Variants in LMTK3 observed in about 807,000 individuals in gnomAD.
The protein encoded by LMTK3 is lemur tail kinase 3.
In LMTK3, 27 loss-of-function variants were observed where a neutral mutation model predicts 116.7. The observed-to-expected ratio is 0.23, with a 90% CI of 0.17 to 0.32. The LOEUF is 0.32. Among genes scored for constraint, LMTK3 ranks in the 10% least tolerant of loss-of-function variants. The pLI, the probability that LMTK3 is intolerant of heterozygous loss-of-function variation, is 1.00. For missense variants in LMTK3, 1,764 were observed against 2,068.5 expected (o/e 0.85, Z 2.86); for synonymous variants, 965 against 971.0 (o/e 0.99, Z 0.11).
chr19:48,486,047 C>CCT, intron 14 of LMTK3, among the ~76,000 whole-genome samples: 1 of 59,790 alleles, frequency 1.7e-5, no homozygotes, highest in East Asian at 3.9e-4. Context: ...AACATTCTTC[C>CCT]TTTTTTTTTT....
At chr19:48,508,776 G>T in intron 5 of LMTK3, 75 bp downstream of exon 5, 3 of 1,123,004 alleles carry the variant, frequency 2.7e-6, no homozygotes, top group East Asian at 2.3e-5. Flanking sequence ...TTCCAGGTGT[G>T]ACCCCATACA....
At position 48,485,368 on chromosome 19, in the gene LMTK3, A is replaced by C; in HGVS notation, c.*405T>G. On this transcript the variant is annotated 3_prime_UTR_variant, in exon 15 of 15. Transcript: ENST00000600059. ...CCTCCAGGGGCCGGGCTGGGGAGGGAAAGGGGAGACGCGAAATGGGGGGTC... is the reference window on the plus strand; with the variant it reads ...CCTCCAGGGGCCGGGCTGGGGAGGGCAAGGGGAGACGCGAAATGGGGGGTC... 5.7e-6 allele frequency: 1 copy of C among 175,666 alleles called. No individual in the cohort carries two copies. The highest frequency in any genetic ancestry group is 1.2e-5 in the Non-Finnish European group (1 of 82,502). The allele number at this position is 175,666 out of a possible 1,614,324, so 10.9% of individuals were successfully genotyped here.
intron 5 of LMTK3, among the ~76,000 whole-genome samples, chr19:48,503,826 GCTTCCTCCCTCCCTTCCTTCCTTC>G (rs918831801): frequency 1.4e-5 from 2 of 143,862 alleles, no homozygotes; most frequent in Admixed American, 7.0e-5. Flanking sequence ...TTCCTTCCTT[GCTTCCTCCCTCCCTTCCTTCCTTC>G]CTTCCTCCCT....
chr19:48,493,040 C>T (rs1474696836), intron 12 of LMTK3, among the ~76,000 whole-genome samples: 1 of 152,096 alleles, frequency 6.6e-6, no homozygotes, highest in Non-Finnish European at 1.5e-5. Context: ...AGGCCCTTCC[C>T]GCGCCCTGCT....
intron 14 of LMTK3, among the ~76,000 whole-genome samples, chr19:48,487,026 CG>C (rs969996112): frequency 3.4e-5 from 5 of 146,256 alleles, no homozygotes; most frequent in African/African-American, 1.3e-4. Context: ...CCACCACACC[CG>C]GCTATTTTTT....
intron 5 of LMTK3, among the ~76,000 whole-genome samples, chr19:48,508,369 G>T (rs564122054): frequency 6.6e-6 from 1 of 152,222 alleles, no homozygotes; most frequent in South Asian, 2.1e-4. Context: ...CTGGCAAATG[G>T]ATACCTAGAC....
At chr19:48,502,658 T>C in intron 6 of LMTK3, 77 bp from the exon 7 acceptor site, 5 of 1,465,852 alleles carry the variant, frequency 3.4e-6, no homozygotes, top group Non-Finnish European at 4.5e-6. Context: ...CTGGAATGGC[T>C]TCTGCTGTCA....
rs572814541 is a variant in LMTK3 at position 48,490,996 on chromosome 19, G to A, written c.4366+112C>T. 13 of 688,880 alleles carry A rather than the reference G, an allele frequency of 1.9e-5. No individual in the cohort carries two copies. The East Asian group carries it at 4.1e-4, about 22-fold the overall frequency. The allele number at this position is 688,880 out of a possible 1,614,324, so 42.7% of individuals were successfully genotyped here. On this transcript the variant is annotated intron_variant, in intron 14 of 14. Coordinates refer to ENST00000600059, the MANE Select transcript of LMTK3 (RefSeq NM_001388485.1). ...CTGTTGACTGAGAGGGGAGAGAGAA[G>A]AGACTGGGAAGAGAGAGGCAGGGAC...
intron 14 of LMTK3, among the ~76,000 whole-genome samples, chr19:48,490,774 G>A (rs1392669024): frequency 2.0e-5 from 3 of 152,138 alleles, no homozygotes; most frequent in African/African-American, 7.2e-5. Context: ...AAACGGAGGT[G>A]GGATCAGGAT....
chr19:48,509,665 C>A (rs534815835), intron 3 of LMTK3, among the ~76,000 whole-genome samples, 152 bp from the exon 4 acceptor site: 2 of 152,320 alleles, frequency 1.3e-5, no homozygotes, highest in African/African-American at 4.8e-5. Flanking sequence ...TCAGCTTCCT[C>A]ATTGGCTGCT....
At chr19:48,501,752 C>A (rs983064336) in intron 7 of LMTK3, among the ~76,000 whole-genome samples, 190 bp from the exon 8 acceptor site, 9 of 152,048 alleles carry the variant, frequency 5.9e-5, no homozygotes, top group Admixed American at 2.0e-4. Flanking sequence ...CTCCCCACCC[C>A]TGGTTCCTCC....
At chr19:48,511,934 G>T (rs1468996188), upstream of LMTK3, 1 of 216,332 alleles carries the variant, frequency 4.6e-6, no homozygotes, top group East Asian at 8.8e-5. Context: ...GGAAGGGTGG[G>T]AGGAGGGAGG....
chr19:48,513,338 C>A (rs1457780636), upstream of LMTK3: 7 of 672,476 alleles, frequency 1.0e-5, no homozygotes, highest in East Asian at 1.9e-4. This position sits in a 1 kb window ranked among gnomAD's most constrained non-coding sequence, Gnocchi z 5.6. Flanking sequence ...TTTAATCATG[C>A]CCATTGTACA....
intron 5 of LMTK3, 103 bp downstream of exon 5, chr19:48,508,748 A>G (rs1350749381): frequency 6.5e-6 from 6 of 921,986 alleles, no homozygotes; most frequent in Non-Finnish European, 8.9e-6. Context: ...CCAGAGCTGC[A>G]CAACCGGAAG....
intron 14 of LMTK3, among the ~76,000 whole-genome samples, chr19:48,489,684 T>C: frequency 6.6e-6 from 1 of 152,186 alleles, no homozygotes; most frequent in Non-Finnish European, 1.5e-5. Flanking sequence ...CTCAGCAATC[T>C]CATGAGTTAG....
intron 11 of LMTK3, among the ~76,000 whole-genome samples, chr19:48,495,915 C>G (rs1972314651): frequency 6.6e-6 from 1 of 152,226 alleles, no homozygotes; most frequent in African/African-American, 2.4e-5. Context: ...CCTACCAAAA[C>G]TTAATTTTCA....
At chr19:48,509,073 C>T in intron 4 of LMTK3, 104 bp from the exon 5 acceptor site, 1 of 725,898 alleles carries the variant, frequency 1.4e-6, no homozygotes, top group South Asian at 1.8e-5. Context: ...GGCTCCTTCC[C>T]AGCTTCTCCC....
In LMTK3 at chr19:48,508,949, G is replaced by A. The variant is rs752022498; in HGVS notation, c.459C>T (p.Phe153=). 2 of 1,610,314 alleles carry A rather than the reference G, an allele frequency of 1.2e-6. No homozygotes were observed. Among genetic ancestry groups the A allele is most frequent in the South Asian group, 2.2e-5 (2 of 90,646 alleles). The part of the protein sequence containing the change: ...WFGKVILGEI[F]SDYTPAQVVV... Reference sequence around the variant, plus strand: ...CCACCTGGGCGGGGGTGTAGTCGGAGAAAATCTCTCCCAGGATCACCTGGT... The same window carrying A: ...CCACCTGGGCGGGGGTGTAGTCGGAAAAAATCTCTCCCAGGATCACCTGGT... Residue 153 remains phenylalanine (F), a synonymous_variant, in exon 5 of 15, where the codon TTC becomes TTT. Transcript: ENST00000600059.
In LMTK3 at chr19:48,500,076, CCCAGAGACAGAGGGACAGAGAT is replaced by C. The variant is rs1164670162; in HGVS notation, c.1152-181_1152-160del. Among the ~76,000 whole-genome samples the C allele has an allele frequency of 6.7e-6, 1 of 149,932 alleles. No individual in the cohort carries two copies. The highest frequency in any genetic ancestry group is 1.5e-5 in the Non-Finnish European group (1 of 67,580). On this transcript the variant is annotated intron_variant, in intron 10 of 14. Transcript: ENST00000600059. The surrounding 1 kb of genome is among the most constrained non-coding windows in gnomAD (Gnocchi z 4.0). ...AGACCCAGAGAGAGGGGGACAGAGACCCAGAGACAGAGGGACAGAGATCCAGAGACAGAGGGACAGAGACCCA... is the reference window on the plus strand; with the variant it reads ...AGACCCAGAGAGAGGGGGACAGAGACCCAGAGACAGAGGGACAGAGACCCA...
Sources: gnomAD v4.1 joint callset for allele counts (sites outside exome capture counted in the v4.1 genomes callset) on GRCh38, gnomAD v4.1.1 for gene constraint, Gnocchi (gnomAD v3.1) non-coding constraint, MANE v1.5 for transcripts, NCBI Gene and HGNC (gene_info 2026-07-23, HGNC 2026-07-21) for gene names.